The following STOX2 variants were observed in gnomAD, a reference collection of about 807,000 sequenced individuals.
STOX2 encodes storkhead box 2.
STOX2 carries 28 observed loss-of-function variants against 60.9 expected under a neutral mutation model. The ratio of observed to expected loss-of-function variants is 0.46; its 90% CI spans 0.34 to 0.63. The LOEUF (loss-of-function observed/expected upper bound fraction) is 0.63, where lower values mean the gene tolerates loss of function less well. Ranked by LOEUF, STOX2 falls within the 30% of genes least tolerant of loss-of-function variation. The pLI is 0.01. For synonymous variants in STOX2, 472 were observed against 463.9 expected, an observed-to-expected ratio of 1.02 and a Z score of -0.22; for missense variants, 1,024 against 1,187.7, an observed-to-expected ratio of 0.86 and a Z score of 2.03.
At chr4:184,005,474 A>AAAAAAAAAAAAAAAAAAAAAAAC (rs58443213) in intron 2 of STOX2, among the ~76,000 whole-genome samples, 1 of 120,072 alleles carries the variant, frequency 8.3e-6, no homozygotes, top group Non-Finnish European at 1.7e-5. Flanking sequence ...AAAAAAAAAA[A>AAAAAAAAAAAAAAAAAAAAAAAC]AATTCATAGG....
chr4:183,886,859 A>G (rs750575451), intron 1 of STOX2, among the ~76,000 whole-genome samples: 4 of 152,142 alleles, frequency 2.6e-5, no homozygotes, highest in Non-Finnish European at 5.9e-5. Flanking sequence ...ATGTGCATTC[A>G]ATACCTTCTA....
At chr4:183,914,651 A>G (rs1240903780) in intron 1 of STOX2, among the ~76,000 whole-genome samples, 1 of 152,150 alleles carries the variant, frequency 6.6e-6, no homozygotes, top group Non-Finnish European at 1.5e-5. Flanking sequence ...CGTTGTGAAC[A>G]CGAGAATAGC....
At chr4:183,859,828 A>G (rs79524226) in intron 1 of STOX2, among the ~76,000 whole-genome samples, 2,701 of 152,360 alleles carry the variant, frequency 0.018, 82 homozygotes, top group African/African-American at 0.061. Context: ...ACCAAAGACT[A>G]GAAAGACTTT....
rs1488975194 is a variant in STOX2, at chr4:183,856,393, G to A, written c.364+58338G>A. 6.6e-6 allele frequency among the ~76,000 whole-genome samples: 1 copy of A among 152,174 alleles called. No individual in the cohort carries two copies. The highest frequency in any genetic ancestry group is 1.5e-5 in the Non-Finnish European group (1 of 68,034). On this transcript the variant is annotated intron_variant, in intron 1 of 2. Coordinates refer to the STOX2 transcript ENST00000513034. The surrounding 1 kb of genome is among the most constrained non-coding windows in gnomAD (Gnocchi z 4.0). The stretch of plus-strand genomic sequence containing the variant: ...ACAAACAGTTGCAAAGTGAACACTC[G>A]GATGAGTAGTTTTCAGCATTAAACA...
intron 1 of STOX2, among the ~76,000 whole-genome samples, chr4:183,966,958 T>G (rs1352435196): frequency 2.0e-5 from 3 of 152,236 alleles, no homozygotes; most frequent in Non-Finnish European, 2.9e-5. Flanking sequence ...ATAGTATTTG[T>G]TTCATAAGGT....
chr4:183,888,478 A>G (rs1211271134), intron 1 of STOX2, among the ~76,000 whole-genome samples: 3 of 152,136 alleles, frequency 2.0e-5, no homozygotes, highest in Admixed American at 2.0e-4. Context: ...CCTCTCTGGC[A>G]TGCCACTTGG....
intron 1 of STOX2, among the ~76,000 whole-genome samples, chr4:183,927,597 A>G (rs1048279535): frequency 4.6e-5 from 7 of 152,132 alleles, no homozygotes; most frequent in Non-Finnish European, 8.8e-5. Flanking sequence ...TGTGTTTAAA[A>G]TAGATTGGCT....
At chr4:183,883,569 G>A (rs568284103) in intron 1 of STOX2, among the ~76,000 whole-genome samples, 85 of 152,192 alleles carry the variant, frequency 5.6e-4, no homozygotes, top group African/African-American at 2.0e-3. Flanking sequence ...ACCCGTCTCG[G>A]CCTCCCAAAG....
intron 1 of STOX2, among the ~76,000 whole-genome samples, chr4:183,933,150 G>T (rs1007994584): frequency 2.0e-5 from 3 of 152,098 alleles, no homozygotes; most frequent in South Asian, 2.1e-4. Context: ...TTCTCTTTAA[G>T]CTCCTGGATA....
intron 1 of STOX2, among the ~76,000 whole-genome samples, chr4:183,852,337 G>C (rs1284174304): frequency 4.1e-5 from 4 of 97,150 alleles, no homozygotes; most frequent in African/African-American, 1.5e-4. Context: ...ATGAGGGAAA[G>C]GATGAGGGAA....
chr4:183,853,752 C>T (rs778057275), intron 1 of STOX2: 5 of 152,144 alleles, frequency 3.3e-5, no homozygotes, highest in African/African-American at 4.8e-5. Flanking sequence ...AAGCAGCAGT[C>T]GTCAGGATTT....
chr4:183,808,185 C>T (rs538602079), intron 1 of STOX2, among the ~76,000 whole-genome samples: 7 of 152,312 alleles, frequency 4.6e-5, no homozygotes, highest in African/African-American at 1.7e-4. Flanking sequence ...GTGAACTCTG[C>T]GGCGCTTCTG....
chr4:183,989,562 G>A (rs1250158740), intron 1 of STOX2, among the ~76,000 whole-genome samples: 2 of 152,142 alleles, frequency 1.3e-5, no homozygotes, highest in African/African-American at 4.8e-5. Context: ...TGTTTGGCCT[G>A]TTAACCTACA....
chr4:183,963,059 T>C (rs1743456969), intron 1 of STOX2, among the ~76,000 whole-genome samples: 1 of 152,200 alleles, frequency 6.6e-6, no homozygotes, highest in Non-Finnish European at 1.5e-5. Context: ...TCTTCTACAC[T>C]CATTGGGGTA....
At chr4:183,983,103 G>T (rs938256860) in intron 1 of STOX2, among the ~76,000 whole-genome samples, 1 of 152,056 alleles carries the variant, frequency 6.6e-6, no homozygotes, top group Non-Finnish European at 1.5e-5. Flanking sequence ...AAACATCTTA[G>T]ACTGTCTAAC....
chr4:183,990,664 C>CACAGGGTAT, intron 1 of STOX2, among the ~76,000 whole-genome samples: 1 of 123,068 alleles, frequency 8.1e-6, no homozygotes, highest in South Asian at 2.7e-4. Flanking sequence ...TAAGAATCTT[C>CACAGGGTAT]ACAGGGTATA....
chr4:183,998,735 T>A (rs1426544483), intron 1 of STOX2, among the ~76,000 whole-genome samples: 1 of 152,110 alleles, frequency 6.6e-6, no homozygotes, highest in Non-Finnish European at 1.5e-5. Context: ...AGAGATGGGG[T>A]CTCATCATGT....
chr4:183,878,997 A>T (rs1579365787), intron 1 of STOX2, among the ~76,000 whole-genome samples: 1 of 152,258 alleles, frequency 6.6e-6, no homozygotes, highest in South Asian at 2.1e-4. Flanking sequence ...TTATTAAAAA[A>T]GAACAGCCAC....
chr4:183,852,854 G>C lies in STOX2; in HGVS notation c.364+54799G>C, dbSNP rs541045094. On this transcript the variant is annotated intron_variant, in intron 1 of 2. Transcript: ENST00000513034. ...AGTTCCTGATGGTCAAAATGGTCAA[G>C]TTGTTATTCACACTTGTGATTGTAG... Among the ~76,000 whole-genome samples, 4 of 152,346 alleles carry C rather than the reference G, an allele frequency of 2.6e-5. No homozygotes were observed. The East Asian group carries it at 7.7e-4, about 29-fold the overall frequency.
Sources: gnomAD v4.1 joint callset for allele counts (sites outside exome capture counted in the v4.1 genomes callset) on GRCh38, gnomAD v4.1.1 for gene constraint, Gnocchi (gnomAD v3.1) non-coding constraint, MANE v1.5 for transcripts, NCBI Gene and HGNC (gene_info 2026-07-23, HGNC 2026-07-21) for gene names.